DACH2: variants seen among roughly 807,000 people sequenced by gnomAD.
The protein encoded by DACH2 is dachshund homolog 2.
DACH2 carries 17 observed loss-of-function variants against 35.8 expected under a neutral mutation model. The observed-to-expected ratio is 0.48, with a 90% CI of 0.33 to 0.71. The LOEUF (loss-of-function observed/expected upper bound fraction) is 0.71. DACH2 is among the 30% of genes least tolerant of loss of function. DACH2 has a pLI of 0.02. For missense variants in DACH2, 469 were observed against 472.7 expected, an observed-to-expected ratio of 0.99 and a Z score of 0.07; for synonymous variants, 195 against 177.3, an observed-to-expected ratio of 1.10 and a Z score of -0.79.
intron 1 of DACH2, among the ~76,000 whole-genome samples, chrX:86,297,943 A>G (rs976229423): frequency 8.9e-5 from 10 of 111,921 alleles, no homozygotes; most frequent in Non-Finnish European, 1.7e-4. Context: ...TAGTTACTCT[A>G]AGAATGACAT....
intron 2 of DACH2, among the ~76,000 whole-genome samples, chrX:86,455,309 G>A (rs978100041): frequency 9.0e-6 from 1 of 111,436 alleles, no homozygotes; most frequent in Non-Finnish European, 1.9e-5. Flanking sequence ...TGGTAGAGCA[G>A]GTGTGCTATG....
chrX:86,311,668 C>T (rs766731920), intron 1 of DACH2, among the ~76,000 whole-genome samples: 1 of 111,170 alleles, frequency 9.0e-6, no homozygotes, highest in African/African-American at 3.3e-5. Flanking sequence ...GTCTAGAGGT[C>T]TTAGTTCCAA....
At chrX:86,244,554 C>T (rs750402864) in intron 1 of DACH2, among the ~76,000 whole-genome samples, 1 of 111,548 alleles carries the variant, frequency 9.0e-6, no homozygotes, top group South Asian at 3.8e-4. Context: ...TTTGACACTG[C>T]AGTGAGCCAC....
chrX:86,407,332 T>A (rs1025816489), intron 2 of DACH2, among the ~76,000 whole-genome samples: 1 of 111,905 alleles, frequency 8.9e-6, no homozygotes, highest in Non-Finnish European at 1.9e-5. Flanking sequence ...TTACCTACAC[T>A]GTTACTTTTT....
At chrX:86,323,378 T>A (rs1016719441) in intron 1 of DACH2, among the ~76,000 whole-genome samples, 6 of 111,667 alleles carry the variant, frequency 5.4e-5, no homozygotes, top group African/African-American at 2.0e-4. Flanking sequence ...CATTAGGAGT[T>A]AAATAGTCTT....
chrX:86,161,084 A>C (rs1335486071), intron 1 of DACH2: 1 of 1,080,373 alleles, frequency 9.3e-7, no homozygotes, highest in Non-Finnish European at 1.3e-6. Context: ...AAATTGGCAC[A>C]AATGCTACTG....
At chrX:86,672,244 T>C (rs1203108817) in intron 4 of DACH2, among the ~76,000 whole-genome samples, 1 of 112,319 alleles carries the variant, frequency 8.9e-6, no homozygotes, top group Non-Finnish European at 1.9e-5. Context: ...CATAAAAGTT[T>C]GGAAAATTTA....
At chrX:86,220,948 G>C (rs1169070307) in intron 1 of DACH2, among the ~76,000 whole-genome samples, 2 of 111,554 alleles carry the variant, frequency 1.8e-5, no homozygotes, top group African/African-American at 3.3e-5. Context: ...GTTTTGATGT[G>C]CATTTCCCTG....
intron 2 of DACH2, among the ~76,000 whole-genome samples, chrX:86,413,538 C>T (rs2036650554): frequency 8.9e-6 from 1 of 112,168 alleles, no homozygotes; most frequent in African/African-American, 3.2e-5. Flanking sequence ...GTCTTCTGCA[C>T]AGGCCAAATG....
chrX:86,450,214 C>T (rs899575760), intron 2 of DACH2, among the ~76,000 whole-genome samples: 2 of 110,600 alleles, frequency 1.8e-5, no homozygotes, highest in African/African-American at 6.6e-5. Flanking sequence ...CTTCCTGATC[C>T]TCTCCATCCT....
rs139255218 is a variant in DACH2, at chrX:86,514,143, C to T, written c.528-136C>T. 5,817 of 582,037 alleles carry T rather than the reference C, an allele frequency of 1.0e-2. 29 individuals carry two copies. Among genetic ancestry groups the T allele is most frequent in the Non-Finnish European group, 0.013 (4,834 of 366,592 alleles). The allele number at this position is 582,037 out of a possible 1,213,427, so 48.0% of individuals were successfully genotyped here. A position where few individuals can be genotyped will look rare whatever the true frequency, so the allele number is the denominator to read the frequency against. ...AAAGAATTGGTCTCTTAGTAATCCA[C>T]GAAAATAGTCTTTAATGTAAAATTC... is the stretch of plus-strand genomic sequence containing the variant. On this transcript the variant is annotated intron_variant, in intron 2 of 11. Transcript: ENST00000373125.
chrX:86,390,259 T>C (rs937728314), intron 2 of DACH2, among the ~76,000 whole-genome samples: 4 of 112,085 alleles, frequency 3.6e-5, no homozygotes, highest in Admixed American at 9.5e-5. Context: ...GACAGATTTG[T>C]TTTGGTCACT....
chrX:86,477,365 T>TATATAC (rs1556235172), intron 2 of DACH2, among the ~76,000 whole-genome samples: 4 of 101,296 alleles, frequency 3.9e-5, no homozygotes, highest in African/African-American at 1.4e-4. Flanking sequence ...TATATATATA[T>TATATAC]ATATAATTGT....
chrX:86,656,873 A>ATATATATG (rs1569461331), intron 4 of DACH2, among the ~76,000 whole-genome samples: 1 of 97,882 alleles, frequency 1.0e-5, no homozygotes, highest in African/African-American at 3.8e-5. Flanking sequence ...ATATATATAT[A>ATATATATG]TATATATATA....
At chrX:86,725,760 G>A (rs910779669) in intron 6 of DACH2, among the ~76,000 whole-genome samples, 6 of 111,296 alleles carry the variant, frequency 5.4e-5, no homozygotes, top group African/African-American at 2.0e-4. Flanking sequence ...CAACTCACTT[G>A]AAATCAAGTG....
intron 3 of DACH2, among the ~76,000 whole-genome samples, chrX:86,557,028 T>G (rs1318674481): frequency 9.2e-6 from 1 of 108,325 alleles, no homozygotes; most frequent in Non-Finnish European, 1.9e-5. Flanking sequence ...GCTGCTGGTA[T>G]AAGTCCAGGA....
chrX:86,274,758 A>G (rs1423280545), intron 1 of DACH2, among the ~76,000 whole-genome samples: 1 of 110,356 alleles, frequency 9.1e-6, no homozygotes, highest in Non-Finnish European at 1.9e-5. Flanking sequence ...TCGGCCTCCC[A>G]AAGTGCTGAG....
intron 2 of DACH2, among the ~76,000 whole-genome samples, chrX:86,397,486 C>T (rs984177853): frequency 2.7e-5 from 3 of 110,893 alleles, no homozygotes; most frequent in Non-Finnish European, 5.7e-5. Context: ...AAAGGGAATG[C>T]TTCCAGTTTT....
intron 1 of DACH2, among the ~76,000 whole-genome samples, chrX:86,301,875 T>C (rs2034582740): frequency 9.0e-6 from 1 of 111,330 alleles, no homozygotes; most frequent in Non-Finnish European, 1.9e-5. Flanking sequence ...CTTATGGGAG[T>C]CCAGTGTATC....
Sources: gnomAD v4.1 joint callset for allele counts (sites outside exome capture counted in the v4.1 genomes callset) on GRCh38, gnomAD v4.1.1 for gene constraint, MANE v1.5 for transcripts, NCBI Gene and HGNC (gene_info 2026-07-23, HGNC 2026-07-21) for gene names.